ABTB3: variants seen among roughly 807,000 people sequenced by gnomAD.
The protein encoded by ABTB3 is ankyrin repeat and BTB domain containing 3, also known as ankyrin repeat- and BTB/POZ domain-containing protein 3.
At chr12:107,631,244 C>G in the ABTB3 span, among the ~76,000 whole-genome samples, 1 of 152,174 alleles carries the variant, frequency 6.6e-6, no homozygotes, top group Non-Finnish European at 1.5e-5. Context: ...GGATAATAGC[C>G]TCCAGCTGCA....
chr12:107,321,702 T>G, the ABTB3 span, among the ~76,000 whole-genome samples: 1 of 152,120 alleles, frequency 6.6e-6, no homozygotes, highest in African/African-American at 2.4e-5. Flanking sequence ...TTCTTCAGAA[T>G]GCGGGGATTC....
the ABTB3 span, among the ~76,000 whole-genome samples, chr12:107,466,597 G>A: frequency 6.6e-6 from 1 of 152,058 alleles, no homozygotes; most frequent in African/African-American, 2.4e-5. Context: ...GCAGGGCACA[G>A]GGACTGCAAA....
the ABTB3 span, among the ~76,000 whole-genome samples, chr12:107,469,421 C>A: frequency 6.6e-6 from 1 of 152,216 alleles, no homozygotes; most frequent in Non-Finnish European, 1.5e-5. Flanking sequence ...ACAAGCTGTC[C>A]AGCCTTTCTG....
the ABTB3 span, among the ~76,000 whole-genome samples, chr12:107,625,324 G>A: frequency 6.6e-6 from 1 of 152,154 alleles, no homozygotes; most frequent in Admixed American, 6.5e-5. Flanking sequence ...ATTGATTTAT[G>A]TTTTTATTCA....
At chr12:107,537,081 G>A in the ABTB3 span, among the ~76,000 whole-genome samples, 1 of 152,024 alleles carries the variant, frequency 6.6e-6, no homozygotes, top group Non-Finnish European at 1.5e-5. Context: ...ATGGCGACAT[G>A]GATGAAACTG....
the ABTB3 span, among the ~76,000 whole-genome samples, chr12:107,494,464 G>A: frequency 6.6e-6 from 1 of 152,112 alleles, no homozygotes; most frequent in African/African-American, 2.4e-5. Context: ...CTGACCAAAG[G>A]CCAGGGCTGT....
the ABTB3 span, among the ~76,000 whole-genome samples, chr12:107,640,051 G>A: frequency 6.6e-5 from 10 of 152,292 alleles, 1 homozygote; most frequent in Admixed American, 6.5e-5. Context: ...AGGTGGGTGG[G>A]TGACTATAGG....
At chr12:107,330,521 A>G in the ABTB3 span, among the ~76,000 whole-genome samples, 5 of 152,198 alleles carry the variant, frequency 3.3e-5, no homozygotes, top group Non-Finnish European at 4.4e-5. Flanking sequence ...CTCTCACCAT[A>G]CCATGCCTCA....
At chr12:107,591,928 C>T in the ABTB3 span, among the ~76,000 whole-genome samples, 3 of 152,184 alleles carry the variant, frequency 2.0e-5, no homozygotes, top group South Asian at 2.1e-4. Flanking sequence ...GAATATAAGT[C>T]AGGTCTGTCT....
the ABTB3 span, chr12:107,612,881 G>C: frequency 3.1e-6 from 5 of 1,612,216 alleles, no homozygotes; most frequent in Non-Finnish European, 4.2e-6. Context: ...TGAGGGTGCA[G>C]AGGCCAGCAG....
chr12:107,401,999 G>A, the ABTB3 span, among the ~76,000 whole-genome samples: 1 of 146,894 alleles, frequency 6.8e-6, no homozygotes, highest in African/African-American at 2.5e-5. Context: ...TGTTAGCCCA[G>A]TTCTATCTCG....
chr12:107,495,397 C>A, the ABTB3 span, among the ~76,000 whole-genome samples: 1 of 152,144 alleles, frequency 6.6e-6, no homozygotes, highest in East Asian at 1.9e-4. Flanking sequence ...CAAGCCCCAG[C>A]GGGGATGGCC....
chr12:107,530,655 T>C, the ABTB3 span, among the ~76,000 whole-genome samples: 1 of 152,264 alleles, frequency 6.6e-6, no homozygotes, highest in Non-Finnish European at 1.5e-5. Context: ...CTTTTTTTGG[T>C]ATTGCAGTTC....
chr12:107,400,820 G>A, the ABTB3 span, among the ~76,000 whole-genome samples: 26 of 152,040 alleles, frequency 1.7e-4, no homozygotes, highest in Admixed American at 3.3e-4. Flanking sequence ...ATCTCCCTTC[G>A]CTGGTTTGTA....
chr12:107,654,295 C>A, the ABTB3 span, among the ~76,000 whole-genome samples: 1 of 151,744 alleles, frequency 6.6e-6, no homozygotes, highest in Non-Finnish European at 1.5e-5. Context: ...TTGGGGTTTT[C>A]TTTGTTTTTG....
the ABTB3 span, chr12:107,319,057 C>A: frequency 1.9e-6 from 3 of 1,613,510 alleles, no homozygotes; most frequent in Non-Finnish European, 2.5e-6. Flanking sequence ...TGTGCTGTTC[C>A]GACTCGCACC....
At chr12:107,484,674 G>A in the ABTB3 span, among the ~76,000 whole-genome samples, 1 of 151,834 alleles carries the variant, frequency 6.6e-6, no homozygotes, top group Non-Finnish European at 1.5e-5. Flanking sequence ...GCAAGGACCA[G>A]AGCAGGGAAA....
At chr12:107,592,100 A>G in the ABTB3 span, among the ~76,000 whole-genome samples, 1 of 152,200 alleles carries the variant, frequency 6.6e-6, no homozygotes, top group Non-Finnish European at 1.5e-5. Flanking sequence ...ACATCCATCT[A>G]GCGTCATCAG....
At chr12:107,445,770 C>T in the ABTB3 span, among the ~76,000 whole-genome samples, 1 of 152,024 alleles carries the variant, frequency 6.6e-6, no homozygotes, top group Non-Finnish European at 1.5e-5. Context: ...GAATCCACCT[C>T]CTTGTCTTTT....
Sources: allele counts gnomAD v4.1 joint callset (sites outside exome capture counted in the v4.1 genomes callset), GRCh38; gene constraint gnomAD v4.1.1; transcripts MANE v1.5; gene names NCBI Gene and HGNC (gene_info 2026-07-23, HGNC 2026-07-21).